RGS22: variants seen among roughly 807,000 people sequenced by gnomAD.
RGS22 encodes regulator of G-protein signaling 22.
In RGS22, 148 loss-of-function variants were observed where a neutral mutation model predicts 172.9. That is an observed-to-expected ratio of 0.86 (90% CI 0.75 to 0.98). RGS22 has a LOEUF of 0.98. Ranked by LOEUF, RGS22 falls within the 50% of genes least tolerant of loss-of-function variation. The pLI is 0.00. For synonymous variants in RGS22, 458 were observed against 480.2 expected (o/e 0.95, Z 0.60); for missense variants, 1,347 against 1,440.8 (o/e 0.93, Z 1.05).
chr8:99,963,126 G>A (rs965771141), intron 24 of RGS22, 148 bp from the exon 25 acceptor site: 1 of 619,424 alleles, frequency 1.6e-6, no homozygotes, highest in Non-Finnish European at 2.6e-6. Context: ...AGTTTATAAT[G>A]ATATGAATTT....
intron 9 of RGS22, among the ~76,000 whole-genome samples, chr8:100,059,288 T>C (rs533359696): frequency 4.3e-4 from 65 of 152,180 alleles, no homozygotes; most frequent in South Asian, 3.5e-3. Context: ...TCCTTACTTA[T>C]CAATAATGAT....
intron 14 of RGS22, among the ~76,000 whole-genome samples, chr8:100,020,157 T>C (rs538723657): frequency 6.6e-6 from 1 of 152,270 alleles, no homozygotes; most frequent in South Asian, 2.1e-4. Flanking sequence ...GTGCTGGGAT[T>C]ACAGGTGTGA....
At chr8:99,994,134 T>C (rs1362184539) in intron 20 of RGS22, among the ~76,000 whole-genome samples, 1 of 152,188 alleles carries the variant, frequency 6.6e-6, no homozygotes, top group African/African-American at 2.4e-5. Flanking sequence ...AAGAGCTGTT[T>C]ATGACAAACC....
At chr8:99,966,784 A>C (rs1715509766) in intron 23 of RGS22, among the ~76,000 whole-genome samples, 1 of 152,212 alleles carries the variant, frequency 6.6e-6, no homozygotes. Context: ...GTCCATACCA[A>C]CTACTTTTCA....
At chr8:100,071,565 A>C in intron 5 of RGS22, 28 bp from the exon 6 acceptor site, 1 of 1,572,724 alleles carries the variant, frequency 6.4e-7, no homozygotes, top group Non-Finnish European at 8.6e-7. Context: ...TACAAATTTA[A>C]AACAAGTTTC....
chr8:100,060,537 C>T (rs1810049998), intron 9 of RGS22, among the ~76,000 whole-genome samples: 1 of 150,924 alleles, frequency 6.6e-6, no homozygotes, highest in Non-Finnish European at 1.5e-5. Context: ...CCCCTATTCA[C>T]AACTGCCACA....
intron 10 of RGS22, among the ~76,000 whole-genome samples, chr8:100,050,384 C>T (rs1208110302): frequency 6.6e-6 from 1 of 152,172 alleles, no homozygotes; most frequent in African/African-American, 2.4e-5. Context: ...GAAGGCGGGA[C>T]CCCTGTATGT....
At chr8:100,060,737 T>C (rs1810066932) in intron 9 of RGS22, among the ~76,000 whole-genome samples, 1 of 152,102 alleles carries the variant, frequency 6.6e-6, no homozygotes, top group African/African-American at 2.4e-5. Context: ...AAAATGGCTA[T>C]ACTGCCCCAA....
chr8:100,026,356 C>T (rs943914860), intron 14 of RGS22, among the ~76,000 whole-genome samples: 2 of 152,206 alleles, frequency 1.3e-5, no homozygotes, highest in African/African-American at 4.8e-5. Context: ...ATTACAATTA[C>T]ATCACAACTT....
At chr8:100,022,362 T>C (rs1364824199) in intron 14 of RGS22, among the ~76,000 whole-genome samples, 1 of 152,066 alleles carries the variant, frequency 6.6e-6, no homozygotes, top group African/African-American at 2.4e-5. Context: ...GTAAAACAAT[T>C]TGAATCATTT....
intron 24 of RGS22, among the ~76,000 whole-genome samples, chr8:99,964,911 T>C (rs1462793164): frequency 6.6e-6 from 1 of 152,194 alleles, no homozygotes; most frequent in Non-Finnish European, 1.5e-5. Flanking sequence ...CCATAATGTA[T>C]TGGTGGATGG....
At chr8:100,000,678 C>T (rs932673383) in intron 18 of RGS22, among the ~76,000 whole-genome samples, 7 of 152,144 alleles carry the variant, frequency 4.6e-5, no homozygotes, top group Admixed American at 2.0e-4. Flanking sequence ...TGAAACCTCA[C>T]GCAATGTAGC....
intron 7 of RGS22, among the ~76,000 whole-genome samples, chr8:100,065,114 C>T (rs1483051414): frequency 6.6e-6 from 1 of 152,188 alleles, no homozygotes; most frequent in Non-Finnish European, 1.5e-5. Flanking sequence ...TTCTCAATGA[C>T]CATTTTCTCA....
chr8:100,052,552 C>T (rs374840593), intron 10 of RGS22, among the ~76,000 whole-genome samples: 1 of 151,962 alleles, frequency 6.6e-6, no homozygotes, highest in Non-Finnish European at 1.5e-5. Flanking sequence ...CCGCCTGCCT[C>T]GGCCTCCCAA....
At chr8:99,996,625 A>AAC in intron 19 of RGS22, 95 bp from the exon 20 acceptor site, 2 of 1,042,310 alleles carry the variant, frequency 1.9e-6, no homozygotes, top group South Asian at 2.8e-5. Flanking sequence ...GATAAAGGTT[A>AAC]ACTTGGACAA....
Position 100,008,189 on chromosome 8 carries a change from C to G in RGS22, c.2361+186G>C, listed in dbSNP as rs193208623. On this transcript the variant is annotated intron_variant, in intron 15 of 27. Transcript: ENST00000360863. Reference sequence around the variant, plus strand: ...AGTAGCTGGGATTACAGGCGCCCACCACCACGCCTGGCTAATTTTTGTATT... The same window carrying G: ...AGTAGCTGGGATTACAGGCGCCCACGACCACGCCTGGCTAATTTTTGTATT... Among the ~76,000 whole-genome samples, 1,166 of 152,082 alleles carry G rather than the reference C, an allele frequency of 7.7e-3. 13 individuals are homozygous for G. The highest frequency in any genetic ancestry group is 0.026 in the African/African-American group (1,070 of 41,484).
rs762309617 is a variant in RGS22, at chr8:99,965,321, T to C, written c.3615+14A>G. The stretch of plus-strand genomic sequence containing the variant: ...CAGCGGGGAAATGAGGTCTGCACCA[T>C]CTTGCATGCTTACCTGTCGGCCATA... On this transcript the variant is annotated intron_variant, in intron 24 of 27. Coordinates refer to ENST00000360863, the MANE Select transcript of RGS22 (RefSeq NM_015668.5). The C allele has an allele frequency of 6.3e-7, 1 of 1,590,678 alleles. No individual in the cohort carries two copies. The highest frequency in any genetic ancestry group is 8.6e-7 in the Non-Finnish European group (1 of 1,159,034).
intron 9 of RGS22, among the ~76,000 whole-genome samples, chr8:100,056,321 G>A (rs544363797): frequency 5.9e-4 from 90 of 152,292 alleles, no homozygotes; most frequent in South Asian, 4.4e-3. Context: ...GCAGCCTGAT[G>A]ATGCGACAGA....
At chr8:100,046,789 C>T (rs1820769581) in intron 11 of RGS22, among the ~76,000 whole-genome samples, 1 of 151,730 alleles carries the variant, frequency 6.6e-6, no homozygotes, top group South Asian at 2.1e-4. Context: ...GAGTCAAAGA[C>T]ACTGGTAAAC....
Sources: gnomAD v4.1 joint callset for allele counts (sites outside exome capture counted in the v4.1 genomes callset) on GRCh38, gnomAD v4.1.1 for gene constraint, MANE v1.5 for transcripts, NCBI Gene and HGNC (gene_info 2026-07-23, HGNC 2026-07-21) for gene names.